FRMD4B: variants seen among roughly 807,000 people sequenced by gnomAD.
FRMD4B encodes the protein FERM domain containing 4B.
FRMD4B carries 74 observed loss-of-function variants against 141.5 expected under a neutral mutation model. The ratio of observed to expected loss-of-function variants is 0.52; its 90% confidence interval spans 0.43 to 0.63. The LOEUF (loss-of-function observed/expected upper bound fraction) is 0.63. FRMD4B is among the 30% of genes least tolerant of loss of function. FRMD4B has a pLI of 0.00. For missense variants in FRMD4B, 1,366 were observed against 1,253.4 expected, an observed-to-expected ratio of 1.09 and a Z score of -1.36; for synonymous variants, 506 against 467.9, an observed-to-expected ratio of 1.08 and a Z score of -1.05.
intron 1 of FRMD4B, among the ~76,000 whole-genome samples, chr3:69,468,015 C>T (rs1448754612): frequency 2.6e-5 from 4 of 152,186 alleles, no homozygotes; most frequent in Non-Finnish European, 5.9e-5. Context: ...TTGGTGTAAG[C>T]CATTCTGAAC....
At chr3:69,173,325 A>T (rs951652801) in intron 22 of FRMD4B, among the ~76,000 whole-genome samples, 4 of 152,200 alleles carry the variant, frequency 2.6e-5, no homozygotes, top group Non-Finnish European at 5.9e-5. Flanking sequence ...TAGAAAAAAA[A>T]TTTTATTGGT....
At chr3:69,326,119 ATTTTTT>A (rs371350022) in intron 1 of FRMD4B, among the ~76,000 whole-genome samples, 1 of 133,714 alleles carries the variant, frequency 7.5e-6, no homozygotes, top group East Asian at 2.1e-4. Context: ...TGGCTAATCA[ATTTTTT>A]TTTTTTTTTT....
chr3:69,174,974 T>C (rs1425704753), intron 22 of FRMD4B, among the ~76,000 whole-genome samples: 1 of 152,230 alleles, frequency 6.6e-6, no homozygotes, highest in African/African-American at 2.4e-5. Context: ...CTCTGAAGTA[T>C]ATTTTCATTA....
intron 1 of FRMD4B, among the ~76,000 whole-genome samples, chr3:69,517,092 G>A (rs939926340): frequency 1.3e-5 from 2 of 152,092 alleles, no homozygotes; most frequent in African/African-American, 4.8e-5. Context: ...TTAAGGATGA[G>A]ATTTAATGGT....
chr3:69,231,682 T>C (rs1192765981), intron 7 of FRMD4B, among the ~76,000 whole-genome samples: 3 of 152,240 alleles, frequency 2.0e-5, no homozygotes, highest in Non-Finnish European at 4.4e-5. Context: ...GAATCAAGTA[T>C]GGCCAGTTGA....
At chr3:69,541,789 T>TCCCA (rs1553652263) in intron 1 of FRMD4B, among the ~76,000 whole-genome samples, 2 of 148,416 alleles carry the variant, frequency 1.3e-5, no homozygotes, top group South Asian at 4.3e-4. Context: ...TCCAGGGATT[T>TCCCA]CCCCCCCCTC....
rs568908642 is a variant in FRMD4B, at chr3:69,397,353, G to A, written c.-1+35281C>T. Among the ~76,000 whole-genome samples the A allele has an allele frequency of 1.4e-4, 22 of 152,046 alleles. No individual in the cohort carries two copies. In the South Asian group the frequency reaches 4.0e-3, roughly 27 times the overall value. ...CGTGAATAGGGTATGACTATTAATGGGTATGAAATTTCTTTTTGAGGTGAT... is the reference window on the plus strand; with the variant it reads ...CGTGAATAGGGTATGACTATTAATGAGTATGAAATTTCTTTTTGAGGTGAT... On this transcript the variant is annotated intron_variant, in intron 2 of 5. Transcript: ENST00000459638.
At chr3:69,455,299 G>A (rs763872849) in intron 1 of FRMD4B, among the ~76,000 whole-genome samples, 4 of 152,210 alleles carry the variant, frequency 2.6e-5, no homozygotes, top group Admixed American at 6.5e-5. Flanking sequence ...TACATAATGT[G>A]GGAGGTTTGT....
rs566138338 is a variant in FRMD4B, at chr3:69,229,502, C to T, written c.582-4812G>A. ...TAGGAATTTTCCAGCAAGCCATCAC[C>T]GATATTTGAAGTGGTTGAGCTGTGG... On this transcript the variant is annotated intron_variant, in intron 7 of 22. Coordinates refer to ENST00000398540, the MANE Select transcript of FRMD4B (RefSeq NM_015123.3). 7.9e-5 allele frequency among the ~76,000 whole-genome samples: 12 copies of T among 152,168 alleles called. No individual in the cohort carries two copies. In the East Asian group the frequency reaches 2.3e-3, roughly 29 times the overall value.
At chr3:69,330,931 C>G (rs1702349258) in intron 1 of FRMD4B, among the ~76,000 whole-genome samples, 1 of 152,184 alleles carries the variant, frequency 6.6e-6, no homozygotes, top group Non-Finnish European at 1.5e-5. Context: ...CATTCACAAG[C>G]AGATTTGAGC....
intron 5 of FRMD4B, chr3:69,250,323 T>TGTGTG: frequency 2.2e-5 from 7 of 321,602 alleles, no homozygotes; most frequent in South Asian, 9.4e-5. Context: ...GTGTGTCTAT[T>TGTGTG]TTAAATAGCT....
intron 1 of FRMD4B, among the ~76,000 whole-genome samples, chr3:69,466,010 C>T (rs1199260731): frequency 6.6e-6 from 1 of 152,186 alleles, no homozygotes; most frequent in Non-Finnish European, 1.5e-5. Context: ...TTCCCACCAA[C>T]AGTGTAAAAG....
chr3:69,228,194 A>C (rs191343624), intron 7 of FRMD4B, among the ~76,000 whole-genome samples: 1 of 152,326 alleles, frequency 6.6e-6, no homozygotes, highest in East Asian at 1.9e-4. Flanking sequence ...TCCTGCCCAA[A>C]ATGTCAATAG....
chr3:69,405,132 T>C (rs1398567458), intron 2 of FRMD4B, among the ~76,000 whole-genome samples: 1 of 152,214 alleles, frequency 6.6e-6, no homozygotes, highest in Non-Finnish European at 1.5e-5. Context: ...CAAACAGACC[T>C]TGTAGATGCC....
At chr3:69,304,500 A>C (rs947072002) in intron 3 of FRMD4B, among the ~76,000 whole-genome samples, 13 of 151,892 alleles carry the variant, frequency 8.6e-5, no homozygotes, top group African/African-American at 1.2e-4. Context: ...AAAAAAAAAA[A>C]AAAAACAGTA....
Position 69,209,373 on chromosome 3 carries a change from G to A in FRMD4B, c.876+6890C>T, listed in dbSNP as rs555341859. On this transcript the variant is annotated intron_variant, in intron 11 of 22. Transcript: ENST00000398540. ...ATTCTAATTGCGATCAACTATGGGA[G>A]GGGAAGAGAAAGACCATGCTGTACA... 1.8e-4 allele frequency among the ~76,000 whole-genome samples: 28 copies of A among 152,294 alleles called. 1 individual carries two copies. In the South Asian group the frequency reaches 5.2e-3, roughly 28 times the overall value.
intron 1 of FRMD4B, among the ~76,000 whole-genome samples, chr3:69,325,722 C>G (rs1702168271): frequency 6.6e-6 from 1 of 152,104 alleles, no homozygotes; most frequent in Non-Finnish European, 1.5e-5. Context: ...ATAAACTCTA[C>G]CTTAAAGCAC....
chr3:69,366,920 C>G (rs1277875242), intron 1 of FRMD4B, among the ~76,000 whole-genome samples: 1 of 151,872 alleles, frequency 6.6e-6, no homozygotes, highest in East Asian at 1.9e-4. Context: ...CAGGTGTTGC[C>G]ACTATGCCCG....
At chr3:69,238,412 AAT>A (rs1357362702) in intron 7 of FRMD4B, among the ~76,000 whole-genome samples, 1 of 152,200 alleles carries the variant, frequency 6.6e-6, no homozygotes, top group African/African-American at 2.4e-5. Context: ...TAAAAATACA[AAT>A]AGTGACCTGT....
Sources: allele counts gnomAD v4.1 joint callset (sites outside exome capture counted in the v4.1 genomes callset), GRCh38; gene constraint gnomAD v4.1.1; transcripts MANE v1.5; gene names NCBI Gene and HGNC (gene_info 2026-07-23, HGNC 2026-07-21).